Variants in BAZ1A observed in about 807,000 individuals in gnomAD.
BAZ1A encodes bromodomain adjacent to zinc finger domain protein 1A.
In BAZ1A, 50 loss-of-function variants were observed where a neutral mutation model predicts 185.2. The observed-to-expected ratio is 0.27, with a 90% CI of 0.22 to 0.34. The LOEUF is 0.34. Among genes scored for constraint, BAZ1A ranks in the 10% least tolerant of loss-of-function variants. The probability of loss-of-function intolerance (pLI) is 1.00; values close to 1 mark genes in which losing one functional copy is unlikely to be tolerated. For synonymous variants in BAZ1A, 571 were observed against 615.6 expected (o/e 0.93, Z 1.07); for missense variants, 1,356 against 1,839.9 (o/e 0.74, Z 4.81).
In BAZ1A at chr14:34,846,027, T is replaced by C. The variant is rs115266956; in HGVS notation, c.392+16017A>G. On this transcript the variant is annotated intron_variant, in intron 3 of 26. Coordinates refer to ENST00000360310, the MANE Select transcript of BAZ1A (RefSeq NM_013448.3). ...AACCATGTAGATATGAAATCCCCAA[T>C]GGGGATTTAAGGTCAGAAGTAGCTA... 3.4e-3 allele frequency among the ~76,000 whole-genome samples: 522 copies of C among 152,200 alleles called. 1 individual carries two copies. The highest frequency in any genetic ancestry group is 0.012 in the African/African-American group (499 of 41,538).
chr14:34,847,353 A>G (rs1271568851), intron 3 of BAZ1A, among the ~76,000 whole-genome samples: 2 of 152,106 alleles, frequency 1.3e-5, no homozygotes, highest in Non-Finnish European at 2.9e-5. Context: ...TTACGAATTC[A>G]GTAGTATATA....
At chr14:34,824,408 C>CAAAAAAAAAAAAAA in intron 4 of BAZ1A, among the ~76,000 whole-genome samples, 1 of 65,772 alleles carries the variant, frequency 1.5e-5, no homozygotes. Flanking sequence ...AGCAGCAACT[C>CAAAAAAAAAAAAAA]AAAAAAAAAA....
intron 3 of BAZ1A, among the ~76,000 whole-genome samples, chr14:34,844,775 G>GCACACACA (rs773913609): frequency 8.9e-5 from 12 of 135,486 alleles, no homozygotes; most frequent in African/African-American, 2.9e-4. Context: ...ACACACACAC[G>GCACACACA]CGCACACACA....
intron 7 of BAZ1A, 103 bp from the exon 8 acceptor site, chr14:34,801,296 T>A (rs568531614): frequency 3.7e-6 from 3 of 813,792 alleles, no homozygotes; most frequent in African/African-American, 3.6e-5. Context: ...CTAAAATGAT[T>A]TTTTTATTTT....
chr14:34,842,825 G>A (rs1286579668), intron 3 of BAZ1A, among the ~76,000 whole-genome samples: 1 of 152,046 alleles, frequency 6.6e-6, no homozygotes, highest in Non-Finnish European at 1.5e-5. Context: ...TAACATCTGT[G>A]TATGGGCTCT....
chr14:34,794,681 C>T (rs1440458852), intron 11 of BAZ1A, 68 bp downstream of exon 11: 32 of 1,513,734 alleles, frequency 2.1e-5, no homozygotes, highest in Non-Finnish European at 2.9e-5. Flanking sequence ...TACAAGGTGG[C>T]TTGTTTTTTT....
At chr14:34,819,285 C>T (rs2138697457) in intron 4 of BAZ1A, among the ~76,000 whole-genome samples, 1 of 152,142 alleles carries the variant, frequency 6.6e-6, no homozygotes, top group South Asian at 2.1e-4. Context: ...ACATATCCCC[C>T]ATGGATATGG....
chr14:34,838,340 GA>G (rs2042359420), intron 3 of BAZ1A, among the ~76,000 whole-genome samples: 2 of 152,124 alleles, frequency 1.3e-5, no homozygotes, highest in African/African-American at 4.8e-5. Flanking sequence ...TTTTAAATTT[GA>G]AAGTTACTGG....
At chr14:34,786,887 C>A (rs539949192) in intron 12 of BAZ1A, among the ~76,000 whole-genome samples, 4 of 151,680 alleles carry the variant, frequency 2.6e-5, no homozygotes, top group African/African-American at 9.7e-5. Flanking sequence ...GGATTACAGG[C>A]GTGAACCATG....
At chr14:34,780,955 G>A (rs1234527796) in intron 16 of BAZ1A, among the ~76,000 whole-genome samples, 1 of 152,184 alleles carries the variant, frequency 6.6e-6, no homozygotes, top group African/African-American at 2.4e-5. Flanking sequence ...TGGCTGGCTA[G>A]GAAGTGATGG....
At chr14:34,813,816 G>A (rs1029272055) in intron 4 of BAZ1A, among the ~76,000 whole-genome samples, 2 of 152,076 alleles carry the variant, frequency 1.3e-5, no homozygotes, top group Non-Finnish European at 2.9e-5. Flanking sequence ...GAGGCAGGCA[G>A]ATCATGAGGT....
intron 3 of BAZ1A, among the ~76,000 whole-genome samples, chr14:34,837,296 C>T (rs1194065538): frequency 6.6e-6 from 1 of 151,822 alleles, no homozygotes; most frequent in East Asian, 1.9e-4. Flanking sequence ...GGCTGGCGTG[C>T]AGTGGTGTGA....
At chr14:34,797,395 C>T (rs1041881894) in intron 9 of BAZ1A, among the ~76,000 whole-genome samples, 5 of 151,810 alleles carry the variant, frequency 3.3e-5, no homozygotes, top group Non-Finnish European at 5.9e-5. Context: ...CCCATCTCTA[C>T]TAAAAATACA....
At chr14:34,791,109 C>T (rs1448850798) in intron 12 of BAZ1A, among the ~76,000 whole-genome samples, 2 of 149,802 alleles carry the variant, frequency 1.3e-5, no homozygotes, top group African/African-American at 2.5e-5. Context: ...GCAACAAGAG[C>T]GAAACTCTGT....
intron 2 of BAZ1A, among the ~76,000 whole-genome samples, chr14:34,873,992 T>G (rs2042997178): frequency 6.6e-6 from 1 of 151,736 alleles, no homozygotes; most frequent in African/African-American, 2.4e-5. Context: ...CAGACCCCAC[T>G]CCCGACTGAG....
chr14:34,872,252 T>G (rs1255507204), intron 2 of BAZ1A, among the ~76,000 whole-genome samples: 1 of 152,126 alleles, frequency 6.6e-6, no homozygotes, highest in Non-Finnish European at 1.5e-5. Context: ...ACCTAGTTAT[T>G]TAAAATGTTT....
At chr14:34,758,064 C>T (rs1336990844) in intron 25 of BAZ1A, among the ~76,000 whole-genome samples, 1 of 134,850 alleles carries the variant, frequency 7.4e-6, no homozygotes, top group Admixed American at 8.1e-5. Flanking sequence ...TTGTTTTGAA[C>T]ATAGGAACTG....
rs757975804 is a variant in BAZ1A, at chr14:34,874,461, C to T, written c.113+31G>A. The T allele has an allele frequency of 1.9e-6, 3 of 1,587,110 alleles. No individual in the cohort carries two copies. The highest frequency in any genetic ancestry group is 2.6e-6 in the Non-Finnish European group (3 of 1,156,914). ...CGCTGCGGGGGGAGTCCCCACACCCCCCGCGGCCCCGCACACGGCCCGGCT... is the reference window on the plus strand; with the variant it reads ...CGCTGCGGGGGGAGTCCCCACACCCTCCGCGGCCCCGCACACGGCCCGGCT... On this transcript the variant is annotated intron_variant, in intron 2 of 26. Coordinates refer to ENST00000360310, the MANE Select transcript of BAZ1A (RefSeq NM_013448.3). This position sits in a 1 kb window ranked among gnomAD's most constrained non-coding sequence, Gnocchi z 4.7.
chr14:34,763,012 G>A (rs1430815542), intron 23 of BAZ1A, among the ~76,000 whole-genome samples: 1 of 152,190 alleles, frequency 6.6e-6, no homozygotes, highest in Non-Finnish European at 1.5e-5. Context: ...TGCCAATGAA[G>A]TGGGCCTTGA....
Sources: gnomAD v4.1 joint callset for allele counts (sites outside exome capture counted in the v4.1 genomes callset) on GRCh38, gnomAD v4.1.1 for gene constraint, Gnocchi (gnomAD v3.1) non-coding constraint, MANE v1.5 for transcripts, NCBI Gene and HGNC (gene_info 2026-07-23, HGNC 2026-07-21) for gene names.